PSPH: variants seen among roughly 807,000 people sequenced by gnomAD.
PSPH encodes phosphoserine phosphatase, also known as L-3-phosphoserine phosphatase.
PSPH carries 16 observed loss-of-function variants against 23.4 expected under a neutral mutation model. That is an observed-to-expected ratio of 0.68 (90% CI 0.46 to 1.04). The LOEUF (loss-of-function observed/expected upper bound fraction) is 1.04, where lower values mean the gene tolerates loss of function less well. Ranked by LOEUF, PSPH falls within the 50% of genes least tolerant of loss-of-function variation. The pLI is 0.00. For missense variants in PSPH, 223 were observed against 273.7 expected, an observed-to-expected ratio of 0.81 and a Z score of 1.31; for synonymous variants, 68 against 99.7, an observed-to-expected ratio of 0.68 and a Z score of 1.89.
At chr7:56,041,358 G>A (rs767964350) in intron 1 of PSPH, among the ~76,000 whole-genome samples, 4 of 151,672 alleles carry the variant, frequency 2.6e-5, no homozygotes, top group African/African-American at 7.3e-5. Flanking sequence ...GACCACAGGT[G>A]CCTGCCACCA....
intron 1 of PSPH, among the ~76,000 whole-genome samples, chr7:56,046,223 G>A (rs1793228600): frequency 6.6e-6 from 1 of 152,052 alleles, no homozygotes; most frequent in Admixed American, 6.6e-5. Flanking sequence ...TGCAACCTCT[G>A]CTTCCTGGGT....
At chr7:56,038,353 G>C (rs1185586341) in intron 1 of PSPH, among the ~76,000 whole-genome samples, 3 of 151,844 alleles carry the variant, frequency 2.0e-5, no homozygotes, top group African/African-American at 7.3e-5. Flanking sequence ...CAGCTACTTG[G>C]GAGGCTGAGG....
At chr7:56,021,686 G>C (rs1361334969) in intron 3 of PSPH, among the ~76,000 whole-genome samples, 1 of 150,560 alleles carries the variant, frequency 6.6e-6, no homozygotes, top group Non-Finnish European at 1.5e-5. Context: ...CGGTGGCTCA[G>C]GCCTGTAATC....
chr7:56,049,363 G>A (rs1793687263), intron 1 of PSPH, among the ~76,000 whole-genome samples: 1 of 152,092 alleles, frequency 6.6e-6, no homozygotes, highest in South Asian at 2.1e-4. Flanking sequence ...TTTCAAAAGT[G>A]AGAACTTCTT....
chr7:56,029,072 C>G (rs1790591468), intron 3 of PSPH, among the ~76,000 whole-genome samples: 1 of 152,060 alleles, frequency 6.6e-6, no homozygotes, highest in Admixed American at 6.6e-5. Flanking sequence ...GCCTCGGCCT[C>G]CCAAAGTGCT....
chr7:56,041,322 T>G (rs56024317), intron 1 of PSPH, among the ~76,000 whole-genome samples: 1 of 151,424 alleles, frequency 6.6e-6, no homozygotes, highest in Non-Finnish European at 1.5e-5. Context: ...AAGCGATTCT[T>G]CTGCCTCAGC....
intron 4 of PSPH, 135 bp from the exon 5 acceptor site, chr7:56,019,869 T>C (rs1037906833): frequency 3.2e-5 from 37 of 1,156,226 alleles, no homozygotes; most frequent in Middle Eastern, 2.8e-4. Context: ...CAGACAGGCT[T>C]TGCTACTAGG....
chr7:56,044,685 AGCTACTTGGGAG>A (rs2117164751), intron 1 of PSPH, among the ~76,000 whole-genome samples: 1 of 151,318 alleles, frequency 6.6e-6, no homozygotes, highest in Admixed American at 6.6e-5. Flanking sequence ...GCTTGAGGCT[AGCTACTTGGGAG>A]GCTGAGGTGG....
At chr7:56,045,802 G>A (rs750161252) in intron 1 of PSPH, among the ~76,000 whole-genome samples, 5 of 148,538 alleles carry the variant, frequency 3.4e-5, no homozygotes, top group East Asian at 2.0e-4. Flanking sequence ...AAGGAGAATC[G>A]CTTAAACCCA....
At chr7:56,020,443 G>T (rs1276814419) in intron 4 of PSPH, among the ~76,000 whole-genome samples, 2 of 151,748 alleles carry the variant, frequency 1.3e-5, no homozygotes, top group East Asian at 3.9e-4. Context: ...TGGCCAACAT[G>T]GTGAAACCCC....
At chr7:56,020,227 A>T (rs568948231) in intron 4 of PSPH, among the ~76,000 whole-genome samples, 33 of 129,532 alleles carry the variant, frequency 2.5e-4, no homozygotes, top group African/African-American at 1.2e-3. Flanking sequence ...CTAAAAAAAA[A>T]AAAAGGCACA....
intron 6 of PSPH, among the ~76,000 whole-genome samples, chr7:56,016,657 G>T (rs563676402): frequency 6.6e-6 from 1 of 151,712 alleles, no homozygotes; most frequent in South Asian, 2.1e-4. Flanking sequence ...TGCAGCCTCC[G>T]CCTCCCAGCT....
chr7:56,031,728 C>T (rs1791022093), intron 3 of PSPH, among the ~76,000 whole-genome samples: 1 of 152,142 alleles, frequency 6.6e-6, no homozygotes, highest in Non-Finnish European at 1.5e-5. Context: ...CAGGAGATAT[C>T]ACTTGAACCC....
intron 3 of PSPH, among the ~76,000 whole-genome samples, chr7:56,031,214 T>G (rs1790949765): frequency 7.5e-6 from 1 of 132,884 alleles, no homozygotes. Flanking sequence ...CGAGACTCCG[T>G]CTCAAAAAAA....
chr7:56,021,243 A>C lies in PSPH; in HGVS notation c.-19-12T>G, dbSNP rs771768972. On this transcript the variant is annotated splice_polypyrimidine_tract_variant and intron_variant, in intron 3 of 7. Transcript: ENST00000275605. Reference sequence around the variant, plus strand: ...GAAGAATTTTCCTCCTACAAGAAAAAAGATAAATGTATTTAAAGACATCAA... The same window carrying C: ...GAAGAATTTTCCTCCTACAAGAAAACAGATAAATGTATTTAAAGACATCAA... The C allele has an allele frequency of 3.1e-6, 5 of 1,609,810 alleles. No homozygotes were observed. Among genetic ancestry groups the C allele is most frequent in the Non-Finnish European group, 4.2e-6 (5 of 1,176,602 alleles).
chr7:56,024,837 T>A (rs1789968552), intron 3 of PSPH, among the ~76,000 whole-genome samples: 1 of 143,234 alleles, frequency 7.0e-6, no homozygotes, highest in Non-Finnish European at 1.5e-5. Context: ...GGAGTCTCGC[T>A]CTGTCACCCA....
At chr7:56,034,575 G>C (rs1020478287) in intron 1 of PSPH, among the ~76,000 whole-genome samples, 1 of 152,130 alleles carries the variant, frequency 6.6e-6, no homozygotes, top group Non-Finnish European at 1.5e-5. Context: ...GAGTGCAGTG[G>C]CACGATCTCG....
intron 6 of PSPH, among the ~76,000 whole-genome samples, chr7:56,017,001 A>G (rs569323977): frequency 1.3e-5 from 2 of 152,344 alleles, no homozygotes; most frequent in Non-Finnish European, 2.9e-5. Flanking sequence ...CGAAATGCAG[A>G]CATTTATGTA....
intron 2 of PSPH, chr7:56,033,149 A>G (rs912246178): frequency 7.2e-5 from 11 of 152,108 alleles, no homozygotes; most frequent in Non-Finnish European, 1.3e-4. Context: ...CCTCATTCCA[A>G]TATCAGTCAT....
Sources: allele counts gnomAD v4.1 joint callset (sites outside exome capture counted in the v4.1 genomes callset), GRCh38; gene constraint gnomAD v4.1.1; transcripts MANE v1.5; gene names NCBI Gene and HGNC (gene_info 2026-07-23, HGNC 2026-07-21).